Variants in TENT4A observed in about 807,000 individuals in gnomAD.
TENT4A encodes the protein terminal nucleotidyltransferase 4A, also known as DNA polymerase kappa.
A neutral mutation model predicts 72.8 loss-of-function variants in TENT4A; 7 were observed. That is an observed-to-expected ratio of 0.10 (90% CI 0.05 to 0.18). TENT4A has a LOEUF of 0.18. Ranked by LOEUF, TENT4A falls within the 10% of genes least tolerant of loss-of-function variation. The pLI is 1.00. For missense variants in TENT4A, 831 were observed against 1,017.7 expected (o/e 0.82, Z 2.50); for synonymous variants, 456 against 434.3 (o/e 1.05, Z -0.62).
At chr5:6,726,575 G>A (rs1279217506) in intron 1 of TENT4A, among the ~76,000 whole-genome samples, 1 of 152,136 alleles carries the variant, frequency 6.6e-6, no homozygotes, top group Non-Finnish European at 1.5e-5. Context: ...AGCCACTGTT[G>A]GTGCCTTTTT....
At chr5:6,750,707 C>A (rs533187500) in intron 10 of TENT4A, 2 of 561,006 alleles carry the variant, frequency 3.6e-6, no homozygotes, top group Non-Finnish European at 6.2e-6. Flanking sequence ...CCTGTCTGTG[C>A]GACTCATGCG....
At chr5:6,754,705 G>T in intron 12 of TENT4A, 46 bp from the exon 13 acceptor site, 1 of 1,479,672 alleles carries the variant, frequency 6.8e-7, no homozygotes, top group South Asian at 1.4e-5. Context: ...CGTGGGCATT[G>T]TGCCTGCTGT....
chr5:6,736,146 CA>C (rs1279375917), intron 1 of TENT4A, among the ~76,000 whole-genome samples: 1 of 152,212 alleles, frequency 6.6e-6, no homozygotes, highest in East Asian at 1.9e-4. Context: ...CAAGCGTGCA[CA>C]GCATTTATTT....
chr5:6,720,365 T>C (rs1476403250), intron 1 of TENT4A, among the ~76,000 whole-genome samples: 1 of 151,902 alleles, frequency 6.6e-6, no homozygotes, highest in African/African-American at 2.4e-5. Context: ...GATGAGCAGG[T>C]TGTGGTTCTT....
At chr5:6,714,733 G>A in intron 1 of TENT4A, 34 bp downstream of exon 1, 2 of 1,144,598 alleles carry the variant, frequency 1.7e-6, no homozygotes, top group Non-Finnish European at 2.2e-6. Context: ...GGGCGGGGGC[G>A]GGGCCCATGG....
intron 3 of TENT4A, among the ~76,000 whole-genome samples, chr5:6,739,476 T>C (rs1383800392): frequency 6.6e-6 from 1 of 152,226 alleles, no homozygotes; most frequent in East Asian, 1.9e-4. Context: ...ACATACCTAG[T>C]GCTGTTGGGA....
chr5:6,752,555 G>A lies in TENT4A; in HGVS notation c.2020-318G>A, dbSNP rs537474289. 9.8e-5 allele frequency among the ~76,000 whole-genome samples: 15 copies of A among 152,356 alleles called. No individual in the cohort carries two copies. The East Asian group carries it at 2.9e-3, about 29-fold the overall frequency. On this transcript the variant is annotated intron_variant, in intron 11 of 12. Coordinates refer to ENST00000230859, the MANE Select transcript of TENT4A (RefSeq NM_006999.6). The stretch of plus-strand genomic sequence containing the variant: ...GCTGTGACCCCTGAGTTCAGCGTGT[G>A]AGTAGGGGGTTCACCACGGGGGTGA...
chr5:6,734,129 C>T (rs915923445), intron 1 of TENT4A, among the ~76,000 whole-genome samples: 4 of 152,230 alleles, frequency 2.6e-5, no homozygotes, highest in Non-Finnish European at 4.4e-5. Flanking sequence ...CGGAGCAGTG[C>T]GCTGTTGCGT....
intron 1 of TENT4A, among the ~76,000 whole-genome samples, chr5:6,734,844 C>T (rs920259458): frequency 2.0e-5 from 3 of 152,224 alleles, no homozygotes; most frequent in Admixed American, 1.3e-4. Context: ...CCCTCTTCTC[C>T]CTGTGCAAGG....
chr5:6,714,619 C>A lies in TENT4A; in HGVS notation c.636C>A (p.Ser212Arg). ...CCGGCAGCCGCGCGGCCGCTCTCAG[C>A]GGAGGGGGCGGCCCCGGGGCCCAGG... Reference protein sequence around the residue: ...LLSGSRAAALSGGGGPGAQAP... With the variant: ...LLSGSRAAALRGGGGPGAQAP... Residue 212 changes from serine (S) to arginine (R), a missense_variant, in exon 1 of 13, where the codon AGC becomes AGA. By Grantham distance (110) the Ser-to-Arg change is moderately radical (BLOSUM62 -1). Around this residue, in one of 3 missense-constraint regions of TENT4A, gnomAD observed 302 missense variants for 293.8 expected, o/e 1.03. Coordinates refer to ENST00000230859, the MANE Select transcript of TENT4A (RefSeq NM_006999.6). 1.7e-6 allele frequency: 2 copies of A among 1,198,222 alleles called. No homozygotes were observed. Among genetic ancestry groups the A allele is most frequent in the Non-Finnish European group, 2.1e-6 (2 of 966,168 alleles). 74.2% of individuals were successfully genotyped at this position (1,198,222 alleles called of 1,614,324 possible).
At chr5:6,754,421 G>T (rs977874167) in intron 12 of TENT4A, among the ~76,000 whole-genome samples, 1 of 152,074 alleles carries the variant, frequency 6.6e-6, no homozygotes, top group South Asian at 2.1e-4. Context: ...TGCCTGCCTC[G>T]GCCTCCCAAA....
At chr5:6,741,906 G>T (rs2126640312) in intron 4 of TENT4A, among the ~76,000 whole-genome samples, 1 of 152,344 alleles carries the variant, frequency 6.6e-6, no homozygotes, top group Middle Eastern at 3.4e-3. Flanking sequence ...TGGGGCATGA[G>T]TGTGGTCTGG....
At position 6,714,011 on chromosome 5, in the gene TENT4A, C is replaced by T. The variant is rs1740229351; in HGVS notation, c.28C>T (p.Pro10Ser). MDPRVAWIQ[P>S]EQKGPANALW... ...GGATCCGCGCGTGGCCTGGATCCAGCCCGAGCAGAAGGGGCCGGCCAATGC... is the reference window on the plus strand; with the variant it reads ...GGATCCGCGCGTGGCCTGGATCCAGTCCGAGCAGAAGGGGCCGGCCAATGC... The change falls in exon 1 of 13, where the codon CCC becomes TCC. Residue 10 changes from proline to serine, a missense_variant. Around this residue, in one of 3 missense-constraint regions of TENT4A, gnomAD observed 302 missense variants for 293.8 expected, o/e 1.03. Transcript: ENST00000230859. The T allele has an allele frequency of 1.0e-6, 1 of 983,236 alleles. No individual in the cohort carries two copies. The highest frequency in any genetic ancestry group is 1.2e-6 in the Non-Finnish European group (1 of 829,726). The allele number at this position is 983,236 out of a possible 1,614,324, so 60.9% of individuals were successfully genotyped here.
rs1740272130 is a variant in TENT4A at position 6,714,717 on chromosome 5, CCGCGGG to C, written c.716+19_716+24del. On this transcript the variant is annotated intron_variant, in intron 1 of 12. Coordinates refer to ENST00000230859, the MANE Select transcript of TENT4A (RefSeq NM_006999.6). ...ATCCAGGGGTGAGTGCGCGGGGAGG[CCGCGGG>C]GGCGGGGGCGGGGCCCATGGTCCTG... 1 of 1,003,942 alleles carries C rather than the reference CCGCGGG, an allele frequency of 1.0e-6. No individual in the cohort carries two copies. The highest frequency in any genetic ancestry group is 1.2e-6 in the Non-Finnish European group (1 of 801,940). 62.2% of individuals were successfully genotyped at this position (1,003,942 alleles called of 1,614,324 possible).
In TENT4A at chr5:6,748,500, A is replaced by G. The variant is rs576937304; in HGVS notation, c.1496A>G (p.Gln499Arg). ...GGCCGGAGCTCCTATGGCGCCATGC[A>G]GGTGAAGCAGGTCTTCGATTATGCC... ...DVGRSSYGAM[Q>R]VKQVFDYAYI... The change falls in exon 8 of 13, where the codon CAG becomes CGG. Residue 499 changes from glutamine to arginine, a missense_variant. Coordinates refer to ENST00000230859, the MANE Select transcript of TENT4A (RefSeq NM_006999.6). 1.2e-6 allele frequency: 2 copies of G among 1,614,144 alleles called. No individual in the cohort carries two copies. Among genetic ancestry groups the G allele is most frequent in the South Asian group, 1.1e-5 (1 of 91,088 alleles).
At chr5:6,751,314 T>G in intron 11 of TENT4A, 117 bp downstream of exon 11, 1 of 1,033,676 alleles carries the variant, frequency 9.7e-7, no homozygotes, top group Admixed American at 2.0e-5. Context: ...TTTTTGAGTA[T>G]TTGGCCATTG....
intron 12 of TENT4A, 39 bp downstream of exon 12, chr5:6,753,076 G>A (rs1365255276): frequency 1.3e-6 from 2 of 1,536,556 alleles, no homozygotes; most frequent in Non-Finnish European, 1.8e-6. Flanking sequence ...ACCTGTTCAA[G>A]CTGCCATGTG....
At chr5:6,754,291 C>A (rs939573952) in intron 12 of TENT4A, among the ~76,000 whole-genome samples, 1 of 152,176 alleles carries the variant, frequency 6.6e-6, no homozygotes, top group African/African-American at 2.4e-5. Context: ...GCCTCAGCTT[C>A]TTGAGTAGCT....
At chr5:6,736,718 A>G (rs1377929938) in intron 1 of TENT4A, among the ~76,000 whole-genome samples, 1 of 152,144 alleles carries the variant, frequency 6.6e-6, no homozygotes, top group Non-Finnish European at 1.5e-5. Context: ...GGAGATCAGC[A>G]CCTTTGAGGT....
Sources: gnomAD v4.1 joint callset for allele counts (sites outside exome capture counted in the v4.1 genomes callset) on GRCh38, gnomAD v4.1.1 for gene constraint, gnomAD v4.1.1 regional missense constraint, MANE v1.5 for transcripts, NCBI Gene and HGNC (gene_info 2026-07-23, HGNC 2026-07-21) for gene names.